ITGB3: variants seen among roughly 807,000 people sequenced by gnomAD.
The protein encoded by ITGB3 is integrin beta-3.
In ITGB3, 48 loss-of-function variants were observed where a neutral mutation model predicts 85.8. The ratio of observed to expected loss-of-function variants is 0.56; its 90% CI spans 0.44 to 0.71. ITGB3 has a LOEUF of 0.71. ITGB3 is among the 30% of genes least tolerant of loss of function. The pLI, the probability that ITGB3 is intolerant of heterozygous loss-of-function variation, is 0.00. For synonymous variants in ITGB3, 363 were observed against 395.6 expected (o/e 0.92, Z 0.98); for missense variants, 861 against 1,019.1 (o/e 0.84, Z 2.11).
intron 2 of ITGB3, among the ~76,000 whole-genome samples, chr17:47,276,910 TC>T (rs2065065975): frequency 6.6e-6 from 1 of 152,168 alleles, no homozygotes; most frequent in Non-Finnish European, 1.5e-5. Context: ...AGCCCTCTGT[TC>T]TTCTTCCTCC....
chr17:47,302,676 C>A lies in ITGB3; in HGVS notation c.2015-45C>A, dbSNP rs374149962. On this transcript the variant is annotated intron_variant, in intron 12 of 14. Transcript: ENST00000559488. ...AGGGGTTTGGAGTGGTCCCATCTTC[C>A]AGTAGTTGTCTCACTTTTTATTCCT... The A allele has an allele frequency of 1.1e-5, 17 of 1,612,670 alleles. No individual in the cohort carries two copies. The African/African-American group carries it at 1.9e-4, about 18-fold the overall frequency.
Position 47,291,016 on chromosome 17 carries a change from C to G in ITGB3, c.1188C>G (p.Phe396Leu). The change falls in exon 9 of 15, where the codon TTC (phenylalanine) becomes TTG (leucine). Residue 396 changes from phenylalanine to leucine, a missense_variant. By Grantham distance (22) the Phe-to-Leu change is conservative (BLOSUM62 0). Transcript: ENST00000559488. ...RDLPEELSLSFNATCLNNEVI... is the reference protein window; with the variant it reads ...RDLPEELSLSLNATCLNNEVI... ...TCCCTGAAGAGTTGTCTCTATCCTTCAATGCCACCTGCCTCAACAATGAGG... is the reference window on the plus strand; with the variant it reads ...TCCCTGAAGAGTTGTCTCTATCCTTGAATGCCACCTGCCTCAACAATGAGG... 6.2e-7 allele frequency: 1 copy of G among 1,614,144 alleles called. No homozygotes were observed. The highest frequency in any genetic ancestry group is 8.5e-7 in the Non-Finnish European group (1 of 1,179,982).
chr17:47,268,856 T>C (rs778518319), intron 1 of ITGB3, among the ~76,000 whole-genome samples: 2 of 152,204 alleles, frequency 1.3e-5, no homozygotes, highest in Admixed American at 6.5e-5. Context: ...ATATTTCCCT[T>C]GTGCACTCCC....
intron 1 of ITGB3, among the ~76,000 whole-genome samples, chr17:47,260,184 A>G (rs990394673): frequency 1.3e-5 from 2 of 152,162 alleles, no homozygotes; most frequent in Non-Finnish European, 2.9e-5. Context: ...TAAGAAACCT[A>G]CATTCGATTC....
chr17:47,266,275 C>T (rs2065024783), intron 1 of ITGB3, among the ~76,000 whole-genome samples: 1 of 152,180 alleles, frequency 6.6e-6, no homozygotes, highest in Admixed American at 6.5e-5. Flanking sequence ...CCTCCCTTCT[C>T]GATAAACACC....
intron 2 of ITGB3, among the ~76,000 whole-genome samples, chr17:47,276,520 A>G (rs567026895): frequency 6.6e-6 from 1 of 152,342 alleles, no homozygotes; most frequent in African/African-American, 2.4e-5. Context: ...GGGCGCAGCT[A>G]GGACCAAAGA....
At chr17:47,275,556 CCA>C (rs1216896595) in intron 2 of ITGB3, among the ~76,000 whole-genome samples, 1 of 152,232 alleles carries the variant, frequency 6.6e-6, no homozygotes, top group Non-Finnish European at 1.5e-5. Context: ...CCAGCCCTCT[CCA>C]GTTTTATGAC....
At chr17:47,303,107 G>T (rs945021904) in intron 13 of ITGB3, among the ~76,000 whole-genome samples, 1 of 152,054 alleles carries the variant, frequency 6.6e-6, no homozygotes, top group Non-Finnish European at 1.5e-5. Flanking sequence ...AACATTAGCC[G>T]GGCATGGTGG....
intron 6 of ITGB3, among the ~76,000 whole-genome samples, chr17:47,289,260 C>G (rs1026495456): frequency 4.6e-5 from 7 of 152,148 alleles, no homozygotes; most frequent in African/African-American, 1.7e-4. Flanking sequence ...TGGCCTGTAC[C>G]TCTTCGTCTA....
At chr17:47,302,644 C>G in intron 12 of ITGB3, 77 bp from the exon 13 acceptor site, 1 of 1,558,080 alleles carries the variant, frequency 6.4e-7, no homozygotes, top group Middle Eastern at 1.7e-4. Flanking sequence ...CCTGGAAGTC[C>G]TGTGATAGGG....
chr17:47,258,201 C>T (rs2064996986), intron 1 of ITGB3, among the ~76,000 whole-genome samples: 1 of 152,218 alleles, frequency 6.6e-6, no homozygotes, highest in Non-Finnish European at 1.5e-5. Context: ...ACCCCATCGC[C>T]TCTGCTCCCT....
intron 10 of ITGB3, among the ~76,000 whole-genome samples, chr17:47,293,902 A>G (rs1311795085): frequency 6.6e-6 from 1 of 152,208 alleles, no homozygotes; most frequent in Non-Finnish European, 1.5e-5. Flanking sequence ...CACTGCGCCC[A>G]GCCAGCATTG....
chr17:47,299,100 C>T lies in ITGB3; in HGVS notation c.1691-208C>T, dbSNP rs150681335. Among the ~76,000 whole-genome samples the T allele has an allele frequency of 1.9e-3, 282 of 152,330 alleles. 2 individuals carry two copies. Among genetic ancestry groups the T allele is most frequent in the African/African-American group, 6.6e-3 (273 of 41,578 alleles). On this transcript the variant is annotated intron_variant, in intron 10 of 14. Transcript: ENST00000559488. This position sits in a 1 kb window ranked among gnomAD's most constrained non-coding sequence, Gnocchi z 5.1. ...AGAATCTTTTGCTCTACAGTGGCTC[C>T]GAGCAAGTCCTGCCATACCTTGGGA...
At chr17:47,254,016 C>G (rs776780848) in intron 1 of ITGB3, 76 bp downstream of exon 1, 5 of 973,604 alleles carry the variant, frequency 5.1e-6, no homozygotes, top group African/African-American at 3.4e-5. Context: ...GACTTGGAGC[C>G]GGCAAACGCG....
At chr17:47,296,624 T>C (rs2065147013) in intron 10 of ITGB3, among the ~76,000 whole-genome samples, 1 of 152,170 alleles carries the variant, frequency 6.6e-6, no homozygotes, top group Admixed American at 6.5e-5. Flanking sequence ...AGCTATTTTG[T>C]CTCCCAGGGC....
At chr17:47,296,330 C>T (rs55986051) in intron 10 of ITGB3, among the ~76,000 whole-genome samples, 172 of 152,298 alleles carry the variant, frequency 1.1e-3, no homozygotes, top group African/African-American at 4.0e-3. Flanking sequence ...AACTCCTGGG[C>T]TCAAGTGATC....
At chr17:47,256,700 T>C (rs781231362) in intron 1 of ITGB3, among the ~76,000 whole-genome samples, 4 of 152,104 alleles carry the variant, frequency 2.6e-5, no homozygotes, top group Non-Finnish European at 5.9e-5. Context: ...TGACTGAGGA[T>C]AGCATCAAGT....
At chr17:47,255,412 G>A (rs2149057705) in intron 1 of ITGB3, among the ~76,000 whole-genome samples, 1 of 152,124 alleles carries the variant, frequency 6.6e-6, no homozygotes, top group Non-Finnish European at 1.5e-5. Flanking sequence ...GACAGGGCAA[G>A]GATATCTTTT....
intron 1 of ITGB3, among the ~76,000 whole-genome samples, chr17:47,263,951 G>C (rs974880390): frequency 1.3e-5 from 2 of 152,324 alleles, no homozygotes; most frequent in East Asian, 3.9e-4. Context: ...TGGGAGGAAA[G>C]ACTTTATTCC....
Sources: allele counts gnomAD v4.1 joint callset (sites outside exome capture counted in the v4.1 genomes callset), GRCh38; gene constraint gnomAD v4.1.1; non-coding constraint Gnocchi (gnomAD v3.1); transcripts MANE v1.5; gene names NCBI Gene and HGNC (gene_info 2026-07-23, HGNC 2026-07-21).